ALG6: variants seen among roughly 807,000 people sequenced by gnomAD.
The protein encoded by ALG6 is dolichyl pyrophosphate Man9GlcNAc2 alpha-1,3-glucosyltransferase.
ALG6 carries 46 observed loss-of-function variants against 66.6 expected under a neutral mutation model. The ratio of observed to expected loss-of-function variants is 0.69; its 90% CI spans 0.55 to 0.88. The LOEUF (loss-of-function observed/expected upper bound fraction) is 0.88, where lower values mean the gene tolerates loss of function less well. Among genes scored for constraint, ALG6 ranks in the 40% least tolerant of loss-of-function variants. The pLI, the probability that ALG6 is intolerant of heterozygous loss-of-function variation, is 0.00. For synonymous variants in ALG6, 185 were observed against 203.7 expected, an observed-to-expected ratio of 0.91 and a Z score of 0.78; for missense variants, 505 against 586.8, an observed-to-expected ratio of 0.86 and a Z score of 1.44.
intron 9 of ALG6, among the ~76,000 whole-genome samples, chr1:63,413,128 G>T (rs1212615517): frequency 6.6e-6 from 1 of 152,144 alleles, no homozygotes; most frequent in African/African-American, 2.4e-5. Flanking sequence ...CTTTGTGGTA[G>T]CTATTGTCTC....
chr1:63,435,695 C>T (rs1490639786), intron 14 of ALG6, among the ~76,000 whole-genome samples: 4 of 152,046 alleles, frequency 2.6e-5, no homozygotes, highest in African/African-American at 9.7e-5. Context: ...CACAGTCTGT[C>T]CAGTACGGTA....
chr1:63,380,753 T>A (rs1648274880), intron 2 of ALG6, among the ~76,000 whole-genome samples: 1 of 152,218 alleles, frequency 6.6e-6, no homozygotes, highest in South Asian at 2.1e-4. Context: ...TCCTGTGACT[T>A]ACATATATTA....
Position 63,437,977 on chromosome 1 carries a change from T to TTCTC in ALG6, c.*958_*961dup, listed in dbSNP as rs1272799829. On this transcript the variant is annotated 3_prime_UTR_variant, in exon 15 of 15. Transcript: ENST00000263440. ...TAATACATGATATCCATGTTGCAGTTTCTCATATAAAGATATGTTTTCTTT... is the reference window on the plus strand; with the variant it reads ...TAATACATGATATCCATGTTGCAGTTTCTCTCTCATATAAAGATATGTTTTCTTT... 6.6e-6 allele frequency: 1 copy of TTCTC among 152,186 alleles called. No individual in the cohort carries two copies. Among genetic ancestry groups the TTCTC allele is most frequent in the African/African-American group, 2.4e-5 (1 of 41,448 alleles). 9.4% of individuals were successfully genotyped at this position (152,186 alleles called of 1,614,324 possible).
chr1:63,431,569 A>G (rs967427354), intron 14 of ALG6, among the ~76,000 whole-genome samples: 1 of 152,174 alleles, frequency 6.6e-6, no homozygotes, highest in African/African-American at 2.4e-5. Flanking sequence ...GGCCTGTGCC[A>G]CCACACCCGG....
chr1:63,397,790 A>G (rs1644412932), intron 3 of ALG6, among the ~76,000 whole-genome samples: 2 of 152,200 alleles, frequency 1.3e-5, no homozygotes, highest in South Asian at 4.1e-4. Context: ...TCTACTATTT[A>G]TTAGCTGTGT....
rs1053682192 is a variant in ALG6, at chr1:63,427,179, T to C, written c.1059-1554T>C. ...CCGTGTCCAGCTAATTTTTTTTTTT[T>C]TTTTTTTGTATTTTTAGTAGAGACG... On this transcript the variant is annotated intron_variant, in intron 12 of 14. Transcript: ENST00000263440. 6.9e-4 allele frequency among the ~76,000 whole-genome samples: 104 copies of C among 151,390 alleles called. 1 individual carries two copies. The highest frequency in any genetic ancestry group is 2.4e-3 in the African/African-American group (99 of 41,318).
chr1:63,381,379 A>G (rs888873447), intron 2 of ALG6, among the ~76,000 whole-genome samples: 5 of 152,148 alleles, frequency 3.3e-5, no homozygotes, highest in African/African-American at 9.6e-5. Flanking sequence ...GCATGAACCC[A>G]GGAGGCGGAG....
At chr1:63,423,116 C>T (rs942078005) in intron 12 of ALG6, among the ~76,000 whole-genome samples, 7 of 151,052 alleles carry the variant, frequency 4.6e-5, no homozygotes, top group Admixed American at 1.3e-4. Flanking sequence ...CTCTGCCTCC[C>T]GGGTTCAAGC....
At chr1:63,420,625 C>T (rs149259911) in intron 12 of ALG6, among the ~76,000 whole-genome samples, 120 of 152,172 alleles carry the variant, frequency 7.9e-4, no homozygotes, top group African/African-American at 2.8e-3. Flanking sequence ...CTTTGGGAGG[C>T]TGAGGCAGGC....
At chr1:63,379,546 A>G (rs915437088) in intron 2 of ALG6, among the ~76,000 whole-genome samples, 9 of 152,080 alleles carry the variant, frequency 5.9e-5, no homozygotes, top group Admixed American at 6.5e-5. Flanking sequence ...TACTGACTGC[A>G]CAGGGCTCCT....
At chr1:63,436,369 G>C (rs144175732) in intron 14 of ALG6, among the ~76,000 whole-genome samples, 69 of 152,100 alleles carry the variant, frequency 4.5e-4, no homozygotes, top group African/African-American at 1.6e-3. Flanking sequence ...TCAGCCTACT[G>C]ACCTGCCAAA....
intron 2 of ALG6, among the ~76,000 whole-genome samples, chr1:63,382,495 A>G (rs985488782): frequency 3.3e-5 from 5 of 151,826 alleles, no homozygotes; most frequent in Non-Finnish European, 5.9e-5. Flanking sequence ...TTTTTTTGAG[A>G]CAAGAGCCTC....
At chr1:63,406,539 C>T in intron 6 of ALG6, 140 bp downstream of exon 6, 1 of 746,546 alleles carries the variant, frequency 1.3e-6, no homozygotes, top group Non-Finnish European at 2.3e-6. Flanking sequence ...ATTTTCACTT[C>T]AAAAGCATCA....
At chr1:63,420,285 T>TAAGA (rs1364484419) in intron 12 of ALG6, among the ~76,000 whole-genome samples, 1 of 152,100 alleles carries the variant, frequency 6.6e-6, no homozygotes, top group African/African-American at 2.4e-5. Context: ...CAAACCTGAG[T>TAAGA]TAGAGCTTAC....
rs1227554031 is a variant in ALG6 at position 63,411,988 on chromosome 1, C to T, written c.743C>T (p.Pro248Leu). ...GCTTCCTTCGTTCTCTGCTGGCTGC[C>T]ATTCTTTACAGAAAGGGAACAAACC... ...VVASFVLCWL[P>L]FFTEREQTLQ... The change falls in exon 9 of 15, where the codon CCA (proline) becomes CTA (leucine). Residue 248 changes from proline (P) to leucine (L), a missense_variant. Coordinates refer to ENST00000263440, the MANE Select transcript of ALG6 (RefSeq NM_013339.4). The T allele has an allele frequency of 4.3e-6, 7 of 1,613,982 alleles. No homozygotes were observed. Among genetic ancestry groups the T allele is most frequent in the Non-Finnish European group, 5.9e-6 (7 of 1,180,008 alleles).
At chr1:63,429,161 A>C (rs1314763513) in intron 14 of ALG6, 35 bp downstream of exon 14, 1 of 1,450,216 alleles carries the variant, frequency 6.9e-7, no homozygotes, top group Non-Finnish European at 9.5e-7. Context: ...CACATTTTTC[A>C]GCATGTCACT....
At chr1:63,413,058 T>C (rs748753947) in intron 9 of ALG6, among the ~76,000 whole-genome samples, 4 of 152,188 alleles carry the variant, frequency 2.6e-5, no homozygotes, top group Non-Finnish European at 5.9e-5. Flanking sequence ...ACTATTGTTA[T>C]AACCACCACT....
intron 12 of ALG6, among the ~76,000 whole-genome samples, chr1:63,420,712 T>A (rs1278068991): frequency 1.3e-5 from 2 of 151,862 alleles, no homozygotes; most frequent in East Asian, 3.9e-4. Context: ...TACAAAAAAA[T>A]TAGCCGGGCA....
chr1:63,380,184 G>A (rs1648258334), intron 2 of ALG6, among the ~76,000 whole-genome samples: 1 of 152,102 alleles, frequency 6.6e-6, no homozygotes, highest in Non-Finnish European at 1.5e-5. Flanking sequence ...ATGAGGACCG[G>A]CCAACAGTGT....
Sources: allele counts gnomAD v4.1 joint callset (sites outside exome capture counted in the v4.1 genomes callset), GRCh38; gene constraint gnomAD v4.1.1; transcripts MANE v1.5; gene names NCBI Gene and HGNC (gene_info 2026-07-23, HGNC 2026-07-21).